The following PSEN2 variants were observed in gnomAD, a reference collection of about 807,000 sequenced individuals.
The protein encoded by PSEN2 is presenilin 2, also known as presenilin-2.
PSEN2 carries 32 observed loss-of-function variants against 49.1 expected under a neutral mutation model. That is an observed-to-expected ratio of 0.65 (90% CI 0.49 to 0.88). The LOEUF is 0.88. Ranked by LOEUF, PSEN2 falls within the 40% of genes least tolerant of loss-of-function variation. The pLI is 0.00. For synonymous variants in PSEN2, 255 were observed against 244.0 expected (o/e 1.05, Z -0.42); for missense variants, 522 against 586.9 (o/e 0.89, Z 1.14).
At chr1:226,885,708 CG>C (rs753615781) in intron 6 of PSEN2, 29 bp downstream of exon 6, 18 of 1,603,106 alleles carry the variant, frequency 1.1e-5, no homozygotes, top group South Asian at 5.5e-5. Context: ...CCTCCAGCCA[CG>C]CTTCTCTCCG....
At chr1:226,873,191 T>A (rs1048907867) in intron 2 of PSEN2, among the ~76,000 whole-genome samples, 30 of 147,908 alleles carry the variant, frequency 2.0e-4, no homozygotes, top group South Asian at 1.3e-3. Flanking sequence ...AAAAAAAAAA[T>A]GGTTTCACAT....
At chr1:226,873,252 C>G (rs900278326) in intron 2 of PSEN2, among the ~76,000 whole-genome samples, 1 of 152,084 alleles carries the variant, frequency 6.6e-6, no homozygotes, top group Non-Finnish European at 1.5e-5. Flanking sequence ...TTCTTGAGAG[C>G]CTCTTCACTG....
intron 3 of PSEN2, among the ~76,000 whole-genome samples, chr1:226,878,444 G>C (rs1186328257): frequency 6.6e-6 from 1 of 152,148 alleles, no homozygotes; most frequent in Non-Finnish European, 1.5e-5. Context: ...TGGGTCCCCT[G>C]CTTCTCCATC....
intron 12 of PSEN2, 131 bp downstream of exon 12, chr1:226,894,256 G>A (rs1661966355): frequency 2.9e-6 from 2 of 682,548 alleles, no homozygotes; most frequent in Non-Finnish European, 5.0e-6. Flanking sequence ...CAAGAGCAGG[G>A]AGCGGGGCTG....
At chr1:226,884,953 C>T (rs1661255176) in intron 5 of PSEN2, among the ~76,000 whole-genome samples, 1 of 152,058 alleles carries the variant, frequency 6.6e-6, no homozygotes, top group African/African-American at 2.4e-5. Context: ...GAGTCCCATC[C>T]TCAGAAAGCT....
At chr1:226,888,222 G>A in intron 7 of PSEN2, 64 bp downstream of exon 7, 2 of 1,406,570 alleles carry the variant, frequency 1.4e-6, no homozygotes, top group Non-Finnish European at 2.0e-6. Flanking sequence ...AGTGGACATG[G>A]GCATGAGGAC....
chr1:226,880,781 A>AG (rs1660939112), intron 3 of PSEN2: 1 of 1,609,596 alleles, frequency 6.2e-7, no homozygotes, highest in East Asian at 2.2e-5. Context: ...GCACTGTTTT[A>AG]GGGGGCAGGC....
In PSEN2 at chr1:226,891,730, C is replaced by T. The variant is rs766544235; in HGVS notation, c.971-13C>T. 1.2e-6 allele frequency: 2 copies of T among 1,606,742 alleles called. No homozygotes were observed. Among genetic ancestry groups the T allele is most frequent in the South Asian group, 1.1e-5 (1 of 90,904 alleles). On this transcript the variant is annotated splice_polypyrimidine_tract_variant and intron_variant, in intron 10 of 12. Transcript: ENST00000366783. The stretch of plus-strand genomic sequence containing the variant: ...ACGGTGATGACGGACATCTTCTCTT[C>T]CTGGACACCCAGAAGAAGACTCCTA...
At chr1:226,880,088 A>G (rs1160989552) in intron 3 of PSEN2, among the ~76,000 whole-genome samples, 2 of 152,196 alleles carry the variant, frequency 1.3e-5, no homozygotes, top group African/African-American at 2.4e-5. Context: ...TAAAAACCAC[A>G]TATAGCTGAG....
intron 11 of PSEN2, among the ~76,000 whole-genome samples, chr1:226,892,850 A>G (rs996108199): frequency 6.6e-6 from 1 of 152,192 alleles, no homozygotes; most frequent in African/African-American, 2.4e-5. Context: ...TAGGGCTCCC[A>G]TGACCCCCTT....
intron 6 of PSEN2, among the ~76,000 whole-genome samples, chr1:226,886,423 C>A (rs920185953): frequency 5.3e-5 from 8 of 152,094 alleles, no homozygotes; most frequent in African/African-American, 1.9e-4. Flanking sequence ...CTATAGCTGC[C>A]GAGTAGCCCC....
At chr1:226,881,256 GTC>G (rs1660968122) in intron 3 of PSEN2, among the ~76,000 whole-genome samples, 8 of 152,126 alleles carry the variant, frequency 5.3e-5, no homozygotes, top group Admixed American at 4.6e-4. Context: ...GGTGATGTGT[GTC>G]TCCTTAACAT....
intron 12 of PSEN2, among the ~76,000 whole-genome samples, chr1:226,902,117 G>A (rs80298787): frequency 0.011 from 1,639 of 152,254 alleles, 28 homozygotes; most frequent in African/African-American, 0.037. Context: ...ATAGGGGTTG[G>A]GGGGATGATT....
rs748154107 is a variant in PSEN2, at chr1:226,885,676, C to G, written c.495C>G (p.Tyr165Ter). The G allele has an allele frequency of 6.2e-7, 1 of 1,607,156 alleles. No individual in the cohort carries two copies. Among genetic ancestry groups the G allele is most frequent in the Non-Finnish European group, 8.5e-7 (1 of 1,179,956 alleles). ...FLVVLYKYRC[Y>*]KFIHGWLIMS... ...TGGTGCTCTACAAGTACCGCTGCTA[C>G]AAGGTGAGGCCCTGGCCCTGCCCTC... Residue 165 changes from tyrosine (Y) to a stop codon, truncating the protein, a stop_gained, in exon 6 of 13, where the codon TAC becomes TAG. Transcript: ENST00000366783. LOFTEE classifies it high-confidence loss of function.
chr1:226,888,579 A>G lies in PSEN2; in HGVS notation c.567-250A>G, dbSNP rs77871405. ...CCAAAGAGACTGGGAGGACAAGAGA[A>G]AACACTTTCCCAAGGACCTTTCCAT... is the stretch of plus-strand genomic sequence containing the variant. On this transcript the variant is annotated intron_variant, in intron 7 of 12. Coordinates refer to ENST00000366783, the MANE Select transcript of PSEN2 (RefSeq NM_000447.3). Among the ~76,000 whole-genome samples, 468 of 152,350 alleles carry G rather than the reference A, an allele frequency of 3.1e-3. 4 individuals are homozygous for G. The highest frequency in any genetic ancestry group is 0.011 in the African/African-American group (449 of 41,578).
chr1:226,889,294 T>G (rs1167225689), intron 8 of PSEN2, among the ~76,000 whole-genome samples: 8 of 151,982 alleles, frequency 5.3e-5, no homozygotes, highest in Admixed American at 5.2e-4. Flanking sequence ...TTTTTTTTTT[T>G]GAGATGGAGT....
Position 226,880,519 on chromosome 1 carries a change from G to GGACAGCGATCACTCAGCCTCTGGACA in PSEN2, c.-20-1341_-20-1316dup, listed in dbSNP as rs1558141925. 23 of 1,364,790 alleles carry GGACAGCGATCACTCAGCCTCTGGACA rather than the reference G, an allele frequency of 1.7e-5. 1 individual carries two copies. Among genetic ancestry groups the GGACAGCGATCACTCAGCCTCTGGACA allele is most frequent in the South Asian group, 8.4e-5 (6 of 71,540 alleles). 84.5% of individuals were successfully genotyped at this position (1,364,790 alleles called of 1,614,324 possible). A position where few individuals can be genotyped will look rare whatever the true frequency, so the allele number is the denominator to read the frequency against. ...TCTGGACAGCGATCACTCAGCCTCTGGACAGCGATCACTCAGCCTCTGGAC... is the reference window on the plus strand; with the variant it reads ...TCTGGACAGCGATCACTCAGCCTCTGGACAGCGATCACTCAGCCTCTGGACAGACAGCGATCACTCAGCCTCTGGAC... On this transcript the variant is annotated intron_variant, in intron 3 of 12. Coordinates refer to ENST00000366783, the MANE Select transcript of PSEN2 (RefSeq NM_000447.3).
chr1:226,901,081 C>T (rs1361958347), downstream of PSEN2, among the ~76,000 whole-genome samples: 1 of 152,154 alleles, frequency 6.6e-6, no homozygotes, highest in Admixed American at 6.5e-5. Context: ...GAAATAGGTC[C>T]TCCCTGCAGT....
chr1:226,870,705 G>C (rs1249305786), intron 1 of PSEN2, 56 bp downstream of exon 1: 2 of 151,588 alleles, frequency 1.3e-5, no homozygotes, highest in Non-Finnish European at 3.0e-5. Flanking sequence ...CTGCGGCGCT[G>C]AGGGCCCGGG....
Sources: gnomAD v4.1 joint callset for allele counts (sites outside exome capture counted in the v4.1 genomes callset) on GRCh38, gnomAD v4.1.1 for gene constraint, MANE v1.5 for transcripts, NCBI Gene and HGNC (gene_info 2026-07-23, HGNC 2026-07-21) for gene names.